Variants in STARD7 observed in about 807,000 individuals in gnomAD.
STARD7 encodes the protein StAR related lipid transfer domain containing 7.
In STARD7, 30 loss-of-function variants were observed where a neutral mutation model predicts 45.3. The observed-to-expected ratio is 0.66, with a 90% CI of 0.50 to 0.90. The LOEUF (loss-of-function observed/expected upper bound fraction) is 0.90. STARD7 is among the 40% of genes least tolerant of loss of function. The pLI is 0.00. For synonymous variants in STARD7, 199 were observed against 183.0 expected, an observed-to-expected ratio of 1.09 and a Z score of -0.70; for missense variants, 495 against 491.3, an observed-to-expected ratio of 1.01 and a Z score of -0.07.
chr2:96,202,665 T>A (rs1235088602), intron 1 of STARD7, among the ~76,000 whole-genome samples: 1 of 152,186 alleles, frequency 6.6e-6, no homozygotes, highest in Non-Finnish European at 1.5e-5. Flanking sequence ...ATTTTTTTCT[T>A]CATTGCCCAA....
At chr2:96,196,391 T>C (rs1483010927) in intron 1 of STARD7, among the ~76,000 whole-genome samples, 4 of 152,162 alleles carry the variant, frequency 2.6e-5, no homozygotes, top group African/African-American at 9.7e-5. Flanking sequence ...GCCCAGGAGT[T>C]GGAGGCTGTA....
chr2:96,191,408 T>C (rs1042320108), intron 6 of STARD7, among the ~76,000 whole-genome samples: 2 of 152,204 alleles, frequency 1.3e-5, no homozygotes, highest in Admixed American at 6.5e-5. Flanking sequence ...TTTTCCATGA[T>C]AAAAACCCCC....
intron 1 of STARD7, among the ~76,000 whole-genome samples, chr2:96,202,982 C>T (rs1297673369): frequency 6.6e-6 from 1 of 152,170 alleles, no homozygotes; most frequent in East Asian, 1.9e-4. Context: ...GTGGCTTTGA[C>T]TAAAATTATG....
At chr2:96,191,020 C>G (rs1386128800) in intron 6 of STARD7, among the ~76,000 whole-genome samples, 1 of 152,118 alleles carries the variant, frequency 6.6e-6, no homozygotes, top group African/African-American at 2.4e-5. Flanking sequence ...AAAAAATTAG[C>G]CTGACATGTT....
At chr2:96,202,546 C>G (rs1683322542) in intron 1 of STARD7, among the ~76,000 whole-genome samples, 1 of 152,144 alleles carries the variant, frequency 6.6e-6, no homozygotes, top group South Asian at 2.1e-4. Context: ...TAGATTTGCT[C>G]AGAGAACAAT....
At position 96,185,589 on chromosome 2, in the gene STARD7, A is replaced by G. The variant is rs936348871; in HGVS notation, c.*1141T>C. On this transcript the variant is annotated 3_prime_UTR_variant, in exon 8 of 8. Transcript: ENST00000337288. The stretch of plus-strand genomic sequence containing the variant: ...TTTGGCTCTGAAGAGAGGAAGAAAA[A>G]CTTTTTAGAGGAACTTAATGGTAAC... 3 of 152,164 alleles carry G rather than the reference A, an allele frequency of 2.0e-5. No individual in the cohort carries two copies. Among genetic ancestry groups the G allele is most frequent in the African/African-American group, 7.2e-5 (3 of 41,420 alleles). The allele number at this position is 152,164 out of a possible 1,614,324, so 9.4% of individuals were successfully genotyped here.
In STARD7 at chr2:96,193,223, C is replaced by T. The variant is rs771385013; in HGVS notation, c.660+19G>A. 3.1e-6 allele frequency: 5 copies of T among 1,605,788 alleles called. No homozygotes were observed. In the African/African-American group the frequency reaches 5.4e-5, roughly 17 times the overall value. On this transcript the variant is annotated intron_variant, in intron 4 of 7. Coordinates refer to ENST00000337288, the MANE Select transcript of STARD7 (RefSeq NM_020151.4). Reference sequence around the variant, plus strand: ...ACACAAACCTGGACAGAAATAAAATCAGAAGTAAAAATACTCACAGGAAAA... The same window carrying T: ...ACACAAACCTGGACAGAAATAAAATTAGAAGTAAAAATACTCACAGGAAAA...
intron 6 of STARD7, 32 bp from the exon 7 acceptor site, chr2:96,187,333 C>T: frequency 7.2e-7 from 1 of 1,389,272 alleles, no homozygotes; most frequent in Non-Finnish European, 1.0e-6. Flanking sequence ...AATGAAGATC[C>T]CTGAATCACC....
chr2:96,186,780 C>G lies in STARD7; in HGVS notation c.1063G>C (p.Glu355Gln). The G allele has an allele frequency of 6.2e-7, 1 of 1,613,848 alleles. No individual in the cohort carries two copies. Among genetic ancestry groups the G allele is most frequent in the South Asian group, 1.1e-5 (1 of 91,044 alleles). ...CCACAGCTGCCCTCGTTCTTTCGCT[C>G]AGAGGACTGGCTGGTGGCCTTGGCT... ...SEAKATSQSSERKNEGSCGPA... is the reference protein window; with the variant it reads ...SEAKATSQSSQRKNEGSCGPA... The change falls in exon 8 of 8, where the codon GAG becomes CAG. Residue 355 changes from glutamate (E) to glutamine (Q), a missense_variant. Glu to Gln is a conservative substitution (Grantham distance 29, BLOSUM62 2). This residue lies in a region of STARD7 where 213 missense variants were observed against 271.2 expected (regional missense o/e 0.79). Coordinates refer to ENST00000337288, the MANE Select transcript of STARD7 (RefSeq NM_020151.4).
chr2:96,208,557 G>T lies in STARD7; in HGVS notation c.-123C>A. The T allele has an allele frequency of 1.2e-6, 1 of 822,844 alleles. No homozygotes were observed. Among genetic ancestry groups the T allele is most frequent in the Non-Finnish European group, 1.7e-6 (1 of 582,690 alleles). 51.0% of individuals were successfully genotyped at this position (822,844 alleles called of 1,614,324 possible). On this transcript the variant is annotated 5_prime_UTR_variant, in exon 1 of 8. Coordinates refer to ENST00000337288, the MANE Select transcript of STARD7 (RefSeq NM_020151.4). The stretch of plus-strand genomic sequence containing the variant: ...CACGAACCCGTCTCACGGTCCCGCG[G>T]CCAGGAGCCGCCGCTCATCTGTCTC...
chr2:96,191,704 A>T (rs2104177948), intron 6 of STARD7, among the ~76,000 whole-genome samples: 1 of 151,900 alleles, frequency 6.6e-6, no homozygotes, highest in East Asian at 1.9e-4. Flanking sequence ...GAGGTGGTAT[A>T]AATAAAACAA....
intron 6 of STARD7, 86 bp downstream of exon 6, chr2:96,192,283 C>G (rs957941000): frequency 2.8e-6 from 3 of 1,059,906 alleles, no homozygotes; most frequent in Non-Finnish European, 3.0e-6. Flanking sequence ...CTGCGCCACA[C>G]CCCCTCCTCC....
intron 1 of STARD7, among the ~76,000 whole-genome samples, chr2:96,207,824 A>G (rs1417791419): frequency 6.6e-6 from 1 of 152,224 alleles, no homozygotes; most frequent in African/African-American, 2.4e-5. Context: ...TAAAGATTAC[A>G]GATTACATGA....
At position 96,202,894 on chromosome 2, in the gene STARD7, CCTT is replaced by C. The variant is rs1683328973; in HGVS notation, c.290+5248_290+5250del. On this transcript the variant is annotated intron_variant, in intron 1 of 7. Transcript: ENST00000337288. ...AACTATAGGCAACATTTTTTCATGA[CCTT>C]CTAAGAATCAAGGTGGTTCAGAGCA... 2.0e-5 allele frequency among the ~76,000 whole-genome samples: 3 copies of C among 152,220 alleles called. No individual in the cohort carries two copies. The South Asian group carries it at 6.2e-4, about 32-fold the overall frequency.
At chr2:96,192,177 C>T (rs958399800) in intron 6 of STARD7, among the ~76,000 whole-genome samples, 192 bp downstream of exon 6, 1 of 152,178 alleles carries the variant, frequency 6.6e-6, no homozygotes, top group Non-Finnish European at 1.5e-5. Flanking sequence ...ACTACTTTGT[C>T]CTTGGGGAAC....
chr2:96,208,050 A>AC (rs1683426173), intron 1 of STARD7, 95 bp downstream of exon 1: 1 of 1,232,522 alleles, frequency 8.1e-7, no homozygotes, highest in Admixed American at 2.8e-5. Flanking sequence ...TTAAAAGACC[A>AC]CCGGGTAAAC....
Position 96,185,004 on chromosome 2 carries a change from A to G in STARD7, c.*1726T>C, listed in dbSNP as rs1461326168. 1 of 152,624 alleles carries G rather than the reference A, an allele frequency of 6.6e-6. No homozygotes were observed. The highest frequency in any genetic ancestry group is 2.4e-5 in the African/African-American group (1 of 41,454). The allele number at this position is 152,624 out of a possible 1,614,324, so 9.5% of individuals were successfully genotyped here. A position where few individuals can be genotyped will look rare whatever the true frequency, so the allele number is the denominator to read the frequency against. ...ATTGCCCTAAGTCAGAACATGGAGC[A>G]ACCGCAACTCCTTCGCACTTGTGCA... On this transcript the variant is annotated 3_prime_UTR_variant, in exon 8 of 8. Coordinates refer to ENST00000337288, the MANE Select transcript of STARD7 (RefSeq NM_020151.4).
rs755043599 is a variant in STARD7, at chr2:96,208,431, G to C, written c.4C>G (p.Leu2Val). The C allele has an allele frequency of 1.5e-6, 2 of 1,376,008 alleles. No homozygotes were observed. Among genetic ancestry groups the C allele is most frequent in the South Asian group, 1.7e-5 (1 of 58,542 alleles). The allele number at this position is 1,376,008 out of a possible 1,614,324, so 85.2% of individuals were successfully genotyped here. The change falls in exon 1 of 8, where the codon CTC becomes GTC. Residue 2 changes from leucine to valine, a missense_variant. Physicochemically the swap from Leu to Val is conservative, Grantham distance 32. Transcript: ENST00000337288. M[L>V]PRRLLAAWLA... is the part of the protein sequence containing the mutation. Reference sequence around the variant, plus strand: ...CAGGCGGCCAGCAGCCTCCGCGGGAGCATGCCGCCTCCCGCAGGGCCCGCC... The same window carrying C: ...CAGGCGGCCAGCAGCCTCCGCGGGACCATGCCGCCTCCCGCAGGGCCCGCC...
intron 6 of STARD7, among the ~76,000 whole-genome samples, chr2:96,188,915 C>CAAAAACAA (rs1239819378): frequency 6.8e-6 from 1 of 146,336 alleles, no homozygotes; most frequent in Admixed American, 6.8e-5. Context: ...ACAAAACAAA[C>CAAAAACAA]AAAAACAAAA....
Sources: allele counts gnomAD v4.1 joint callset (sites outside exome capture counted in the v4.1 genomes callset), GRCh38; gene constraint gnomAD v4.1.1; regional missense constraint gnomAD v4.1.1; transcripts MANE v1.5; gene names NCBI Gene and HGNC (gene_info 2026-07-23, HGNC 2026-07-21).